SMURF1: variants seen among roughly 807,000 people sequenced by gnomAD.
SMURF1 encodes the protein E3 ubiquitin-protein ligase SMURF1.
In SMURF1, 44 loss-of-function variants were observed where a neutral mutation model predicts 98.0. The observed-to-expected ratio is 0.45, with a 90% CI of 0.35 to 0.58. The LOEUF (loss-of-function observed/expected upper bound fraction) is 0.58, where lower values mean the gene tolerates loss of function less well. SMURF1 is among the 20% of genes least tolerant of loss of function. The pLI is 0.00. For missense variants in SMURF1, 687 were observed against 938.4 expected (o/e 0.73, Z 3.50); for synonymous variants, 396 against 374.9 (o/e 1.06, Z -0.65).
intron 1 of SMURF1, 22 bp from the exon 2 acceptor site, chr7:99,061,859 T>C: frequency 1.3e-6 from 2 of 1,588,594 alleles, no homozygotes; most frequent in East Asian, 2.3e-5. Flanking sequence ...GAAAAATTAC[T>C]CAGGTTAGCA....
chr7:99,045,791 C>A lies in SMURF1; in HGVS notation c.1163G>T (p.Arg388Leu). 1.9e-6 allele frequency: 3 copies of A among 1,612,948 alleles called. No homozygotes were observed. Among genetic ancestry groups the A allele is most frequent in the Non-Finnish European group, 2.5e-6 (3 of 1,178,940 alleles). Residue 388 changes from arginine to leucine, a missense_variant, in exon 11 of 18, where the codon CGC (arginine) becomes CTC (leucine). By Grantham distance (102) the Arg-to-Leu change is moderately radical. This residue lies in a region of SMURF1 where 415 missense variants were observed against 508.4 expected (regional missense o/e 0.82). Transcript: ENST00000361368. ...TTTCGGTCGCATCTTCATTATCTGGCGGTAAGACTCCTGAAGAGCAACATC... is the reference window on the plus strand; with the variant it reads ...TTTCGGTCGCATCTTCATTATCTGGAGGTAAGACTCCTGAAGAGCAACATC... ...SREEIFEESY[R>L]QIMKMRPKDL...
intron 11 of SMURF1, chr7:99,045,484 G>A: frequency 2.0e-6 from 1 of 512,814 alleles, no homozygotes; most frequent in Non-Finnish European, 3.4e-6. Flanking sequence ...GGATATTCTG[G>A]TAGGTTATGG....
chr7:99,136,982 C>T (rs550691529), intron 1 of SMURF1, among the ~76,000 whole-genome samples: 36 of 152,108 alleles, frequency 2.4e-4, no homozygotes, highest in African/African-American at 7.7e-4. Context: ...TGATACTGTC[C>T]GATGGCACAT....
intron 3 of SMURF1, 112 bp from the exon 4 acceptor site, chr7:99,057,663 T>A: frequency 7.8e-7 from 1 of 1,280,806 alleles, no homozygotes; most frequent in Non-Finnish European, 1.0e-6. Context: ...GGAGTGCAGT[T>A]GTGTGATCTC....
chr7:99,131,648 T>C (rs1194546532), intron 1 of SMURF1, among the ~76,000 whole-genome samples: 2 of 152,014 alleles, frequency 1.3e-5, no homozygotes, highest in African/African-American at 4.8e-5. Context: ...GCCCAGGAGT[T>C]TGAGGCTGCA....
At chr7:99,059,402 A>AAAAT in intron 3 of SMURF1, among the ~76,000 whole-genome samples, 1 of 77,456 alleles carries the variant, frequency 1.3e-5, no homozygotes, top group Non-Finnish European at 2.6e-5. Context: ...CATCTCAAAA[A>AAAAT]AAAATAAAAT....
In SMURF1 at chr7:99,101,226, G is replaced by T. The variant is rs142791744; in HGVS notation, c.56-39389C>A. On this transcript the variant is annotated intron_variant, in intron 1 of 17. Coordinates refer to ENST00000361368, the MANE Select transcript of SMURF1 (RefSeq NM_181349.3). ...TCTCTACAAAAAAATACAGAAATTAGCTGGGTGCAGTGGTGTGTGCCTGTA... is the reference window on the plus strand; with the variant it reads ...TCTCTACAAAAAAATACAGAAATTATCTGGGTGCAGTGGTGTGTGCCTGTA... Among the ~76,000 whole-genome samples, 37 of 152,276 alleles carry T rather than the reference G, an allele frequency of 2.4e-4. No homozygotes were observed. In the East Asian group the frequency reaches 7.1e-3, roughly 29 times the overall value.
At chr7:99,033,153 C>A in intron 16 of SMURF1, 32 bp from the exon 17 acceptor site, 1 of 1,551,256 alleles carries the variant, frequency 6.4e-7, no homozygotes, top group Non-Finnish European at 8.7e-7. Flanking sequence ...TAATGTACTT[C>A]AGAGTTACAG....
chr7:99,063,261 A>ATATAAGATT (rs1796095802), intron 1 of SMURF1, among the ~76,000 whole-genome samples: 10 of 6,944 alleles, frequency 1.4e-3, no homozygotes, highest in Admixed American at 3.7e-3. Context: ...ATATATATAT[A>ATATAAGATT]TATATATATA....
At chr7:99,085,353 C>CAAAAAAAAAAAAAAA (rs992976220) in intron 1 of SMURF1, among the ~76,000 whole-genome samples, 3 of 52,272 alleles carry the variant, frequency 5.7e-5, no homozygotes, top group African/African-American at 8.1e-5. Context: ...AACTCCATCT[C>CAAAAAAAAAAAAAAA]AAAAAAAAAA....
intron 1 of SMURF1, among the ~76,000 whole-genome samples, chr7:99,122,719 A>G (rs1307521542): frequency 6.9e-6 from 1 of 145,094 alleles, no homozygotes; most frequent in Non-Finnish European, 1.5e-5. Context: ...GACATCAACC[A>G]TGCCACAGGG....
At chr7:99,096,607 G>A (rs1041015647) in intron 1 of SMURF1, among the ~76,000 whole-genome samples, 1 of 152,142 alleles carries the variant, frequency 6.6e-6, no homozygotes, top group African/African-American at 2.4e-5. Context: ...AATTCACCAA[G>A]AAGATATAAC....
intron 8 of SMURF1, among the ~76,000 whole-genome samples, 191 bp downstream of exon 8, chr7:99,051,166 G>A (rs1043793987): frequency 6.6e-6 from 1 of 152,158 alleles, no homozygotes; most frequent in Non-Finnish European, 1.5e-5. Flanking sequence ...GGTCAACAAT[G>A]ACTCACGTTT....
At position 99,038,543 on chromosome 7, in the gene SMURF1, A is replaced by T. The variant is rs780791743; in HGVS notation, c.1551-18T>A. On this transcript the variant is annotated intron_variant, in intron 13 of 17. Transcript: ENST00000361368. ...CGTTCTCTCTGTTGAAATAAGACAG[A>T]AGGATGTAGGTTAGAACTCTGCCAC... 3.1e-6 allele frequency: 5 copies of T among 1,612,590 alleles called. No individual in the cohort carries two copies. Among genetic ancestry groups the T allele is most frequent in the African/African-American group, 1.3e-5 (1 of 74,850 alleles).
chr7:99,144,015 A>AGCC lies in SMURF1; in HGVS notation c.-238_-236dup, dbSNP rs936806899. ...CTGCTTCCAGCCGAGCCCAGTCCCG[A>AGCC]GCCGCCGCCGCCTCCGCCGCCGCCT... is the stretch of plus-strand genomic sequence containing the variant. On this transcript the variant is annotated 5_prime_UTR_variant, in exon 1 of 18. Coordinates refer to ENST00000361368, the MANE Select transcript of SMURF1 (RefSeq NM_181349.3). 13 of 303,246 alleles carry AGCC rather than the reference A, an allele frequency of 4.3e-5. No individual in the cohort carries two copies. Among genetic ancestry groups the AGCC allele is most frequent in the Middle Eastern group, 1.8e-3 (2 of 1,092 alleles). 18.8% of individuals were successfully genotyped at this position (303,246 alleles called of 1,614,324 possible).
chr7:99,050,944 G>T lies in SMURF1; in HGVS notation c.806+413C>A, dbSNP rs999783799. The stretch of plus-strand genomic sequence containing the variant: ...GCTCAGATGTATGGCCTTGTAGAAG[G>T]AATTCGTATAGAAAAGCTGCATCTC... On this transcript the variant is annotated intron_variant, in intron 8 of 17. Transcript: ENST00000361368. The T allele has an allele frequency of 7.1e-6, 11 of 1,551,014 alleles. No individual in the cohort carries two copies. The African/African-American group carries it at 1.5e-4, about 21-fold the overall frequency.
At chr7:99,043,691 T>C (rs1169121512) in intron 11 of SMURF1, among the ~76,000 whole-genome samples, 1 of 152,218 alleles carries the variant, frequency 6.6e-6, no homozygotes, top group Non-Finnish European at 1.5e-5. Context: ...AGACAAGTGT[T>C]CCGCTGTGTG....
At chr7:99,059,108 A>G (rs551833752) in intron 3 of SMURF1, among the ~76,000 whole-genome samples, 80 of 151,430 alleles carry the variant, frequency 5.3e-4, no homozygotes, top group African/African-American at 1.8e-3. Context: ...TTTAATTTAA[A>G]AATAAAATAG....
At position 99,052,211 on chromosome 7, in the gene SMURF1, C is replaced by G. The variant is rs1795771010; in HGVS notation, c.715G>C (p.Gly239Arg). 1 of 1,563,006 alleles carries G rather than the reference C, an allele frequency of 6.4e-7. No individual in the cohort carries two copies. The highest frequency in any genetic ancestry group is 8.7e-7 in the Non-Finnish European group (1 of 1,150,652). The change falls in exon 7 of 18, where the codon GGC (glycine) becomes CGC (arginine). Residue 239 changes from glycine to arginine, a missense_variant. Coordinates refer to ENST00000361368, the MANE Select transcript of SMURF1 (RefSeq NM_181349.3). ...HGHQSPELPE[G>R]YEQRTTVQGQ... ...GCAGGATACATTCTCTCACCGTAGC[C>G]TTCGGGCAGTTCCGGGGACTGGTGG...
Sources: allele counts gnomAD v4.1 joint callset (sites outside exome capture counted in the v4.1 genomes callset), GRCh38; gene constraint gnomAD v4.1.1; regional missense constraint gnomAD v4.1.1; transcripts MANE v1.5; gene names NCBI Gene and HGNC (gene_info 2026-07-23, HGNC 2026-07-21).